The following PDZD2 variants were observed in gnomAD, a reference collection of about 807,000 sequenced individuals.
The protein encoded by PDZD2 is PDZ domain containing 2.
A neutral mutation model predicts 220.7 loss-of-function variants in PDZD2; 90 were observed. The ratio of observed to expected loss-of-function variants is 0.41; its 90% CI spans 0.34 to 0.49. The LOEUF (loss-of-function observed/expected upper bound fraction) is 0.49. PDZD2 is among the 20% of genes least tolerant of loss of function. PDZD2 has a pLI of 0.28. For missense variants in PDZD2, 3,174 were observed against 3,608.5 expected (o/e 0.88, Z 3.08); for synonymous variants, 1,375 against 1,450.5 (o/e 0.95, Z 1.18).
chr5:31,871,355 C>T (rs1354427793), intron 2 of PDZD2, among the ~76,000 whole-genome samples: 3 of 152,070 alleles, frequency 2.0e-5, no homozygotes, highest in African/African-American at 4.8e-5. Context: ...GTCTTTAATT[C>T]GCCCCAATTT....
At chr5:31,788,478 A>C (rs1753513559) in intron 1 of PDZD2, among the ~76,000 whole-genome samples, 1 of 152,166 alleles carries the variant, frequency 6.6e-6, no homozygotes, top group African/African-American at 2.4e-5. Context: ...ATCCTGGCTA[A>C]CATGGTGAAA....
At position 31,799,482 on chromosome 5, in the gene PDZD2, G is replaced by T. The variant is rs748538126; in HGVS notation, c.234G>T (p.Gly78=). ...CTGTGTACCTCACCAAGGAGCTGGG[G>T]GACACAGAGACTGTGGGCCTGAGTT... ...ICTVYLTKEL[G]DTETVGLSFG... Residue 78 remains glycine (G), a synonymous_variant, in exon 2 of 25, where the codon GGG becomes GGT. Coordinates refer to ENST00000438447, the MANE Select transcript of PDZD2 (RefSeq NM_178140.4). The T allele has an allele frequency of 2.5e-6, 4 of 1,614,226 alleles. No homozygotes were observed. Among genetic ancestry groups the T allele is most frequent in the Non-Finnish European group, 3.4e-6 (4 of 1,180,036 alleles).
intron 1 of PDZD2, among the ~76,000 whole-genome samples, chr5:31,698,063 C>T (rs1747450162): frequency 1.4e-5 from 2 of 142,222 alleles, no homozygotes; most frequent in Non-Finnish European, 3.1e-5. Flanking sequence ...CCACCGCACC[C>T]AGCTAATTTT....
chr5:31,670,720 C>G (rs1472439611), intron 1 of PDZD2, among the ~76,000 whole-genome samples: 1 of 152,090 alleles, frequency 6.6e-6, no homozygotes, highest in African/African-American at 2.4e-5. Context: ...CGCGCCCGGC[C>G]AGTTTGCGTT....
chr5:31,739,377 AT>A (rs1750112098), intron 1 of PDZD2, among the ~76,000 whole-genome samples: 1 of 152,214 alleles, frequency 6.6e-6, no homozygotes, highest in African/African-American at 2.4e-5. Context: ...GCAAAAAAAA[AT>A]GGGCCATAAC....
chr5:32,076,234 T>A (rs980223636), intron 18 of PDZD2, among the ~76,000 whole-genome samples: 1 of 141,254 alleles, frequency 7.1e-6, no homozygotes, highest in African/African-American at 2.7e-5. Context: ...TGCAGTGAGC[T>A]GAGATCGTGC....
chr5:31,686,453 C>A (rs1402343521), intron 1 of PDZD2, among the ~76,000 whole-genome samples: 1 of 152,020 alleles, frequency 6.6e-6, no homozygotes, highest in Non-Finnish European at 1.5e-5. Flanking sequence ...CAACCTCCAC[C>A]TCCAGGTTCA....
chr5:31,867,153 T>C, intron 2 of PDZD2, among the ~76,000 whole-genome samples: 1 of 152,140 alleles, frequency 6.6e-6, no homozygotes, highest in East Asian at 1.9e-4. Flanking sequence ...TTAAAAAGCT[T>C]CTCTGCTGCT....
At chr5:31,672,773 A>C (rs1746262572) in intron 1 of PDZD2, among the ~76,000 whole-genome samples, 1 of 152,202 alleles carries the variant, frequency 6.6e-6, no homozygotes, top group African/African-American at 2.4e-5. Context: ...GTCTCTGTGC[A>C]GTAGGGTGAG....
At chr5:31,947,028 A>G (rs567464296) in intron 2 of PDZD2, among the ~76,000 whole-genome samples, 1 of 152,306 alleles carries the variant, frequency 6.6e-6, no homozygotes, top group South Asian at 2.1e-4. Context: ...GATCAGTCAA[A>G]TTTGGAAACC....
At chr5:31,669,387 G>A (rs1580541105) in intron 1 of PDZD2, among the ~76,000 whole-genome samples, 1 of 134,168 alleles carries the variant, frequency 7.5e-6, no homozygotes, top group African/African-American at 2.9e-5. Context: ...GGGTGACAGA[G>A]TGAGACCCTG....
At chr5:32,023,793 T>A (rs1055314544) in intron 6 of PDZD2, among the ~76,000 whole-genome samples, 3 of 152,234 alleles carry the variant, frequency 2.0e-5, no homozygotes, top group African/African-American at 7.2e-5. Context: ...GTAGCCCCCC[T>A]TATCCAGAGT....
chr5:32,072,695 G>T (rs1363675758), intron 17 of PDZD2, among the ~76,000 whole-genome samples: 1 of 152,164 alleles, frequency 6.6e-6, no homozygotes, highest in Non-Finnish European at 1.5e-5. Context: ...CGCACCATTA[G>T]ACAATGCTGT....
intron 2 of PDZD2, among the ~76,000 whole-genome samples, chr5:31,941,621 G>A (rs1746220771): frequency 6.6e-6 from 1 of 152,220 alleles, no homozygotes; most frequent in African/African-American, 2.4e-5. Context: ...GCTGTGAAAT[G>A]TACGTACTTG....
intron 1 of PDZD2, among the ~76,000 whole-genome samples, chr5:31,705,175 TACACAC>T (rs755393785): frequency 9.5e-5 from 8 of 84,172 alleles, no homozygotes; most frequent in East Asian, 5.6e-4. Flanking sequence ...AATACATGTA[TACACAC>T]ACACACACAC....
rs1375345119 is a variant in PDZD2, at chr5:32,061,006, G to A, written c.2323G>A (p.Gly775Arg). The change falls in exon 14 of 25, where the codon GGG becomes AGG. Residue 775 changes from glycine (G) to arginine (R), a missense_variant. Physicochemically the swap from Gly to Arg is moderately radical, Grantham distance 125. Around this residue, in one of 4 missense-constraint regions of PDZD2, gnomAD observed 1,861 missense variants for 2,001.0 expected, o/e 0.93. Transcript: ENST00000438447. The part of the protein sequence containing the change: ...VAKMESNLSR[G>R]DQILEVNSVN... ...GGATTCTGTTGCCCTCCCTAGCCGC[G>A]GGGATCAAATCCTGGAAGTGAACTC... is the stretch of plus-strand genomic sequence containing the variant. 1.2e-6 allele frequency: 2 copies of A among 1,613,970 alleles called. No homozygotes were observed. The highest frequency in any genetic ancestry group is 1.7e-5 in the Admixed American group (1 of 59,992).
At chr5:32,100,761 CCTCA>C in intron 23 of PDZD2, 10 of 584,918 alleles carry the variant, frequency 1.7e-5, no homozygotes, top group Non-Finnish European at 2.9e-5. Context: ...TGACTTCAGT[CCTCA>C]CTGAGAAGTG....
At chr5:31,978,487 A>G (rs750693902) in intron 2 of PDZD2, among the ~76,000 whole-genome samples, 5 of 152,138 alleles carry the variant, frequency 3.3e-5, no homozygotes, top group Admixed American at 6.5e-5. Flanking sequence ...TGGGAGGCCG[A>G]GGTGGGCGGA....
intron 1 of PDZD2, among the ~76,000 whole-genome samples, chr5:31,771,663 A>T (rs559263399): frequency 6.6e-6 from 1 of 152,192 alleles, no homozygotes; most frequent in South Asian, 2.1e-4. Context: ...CAAGAACAAG[A>T]ACAGTGTGAT....
Sources: gnomAD v4.1 joint callset for allele counts (sites outside exome capture counted in the v4.1 genomes callset) on GRCh38, gnomAD v4.1.1 for gene constraint, gnomAD v4.1.1 regional missense constraint, MANE v1.5 for transcripts, NCBI Gene and HGNC (gene_info 2026-07-23, HGNC 2026-07-21) for gene names.